FLRT1: variants seen among roughly 807,000 people sequenced by gnomAD.
The protein encoded by FLRT1 is leucine-rich repeat transmembrane protein FLRT1.
FLRT1 carries 14 observed loss-of-function variants against 30.9 expected under a neutral mutation model. The observed-to-expected ratio is 0.45, with a 90% CI of 0.30 to 0.71. FLRT1 has a LOEUF of 0.71. Among genes scored for constraint, FLRT1 ranks in the 30% least tolerant of loss-of-function variants. The pLI is 0.08. For synonymous variants in FLRT1, 368 were observed against 430.4 expected, an observed-to-expected ratio of 0.85 and a Z score of 1.80; for missense variants, 737 against 949.2, an observed-to-expected ratio of 0.78 and a Z score of 2.94.
chr11:64,065,256 T>G (rs1943975812), intron 1 of FLRT1, among the ~76,000 whole-genome samples: 1 of 152,100 alleles, frequency 6.6e-6, no homozygotes, highest in South Asian at 2.1e-4. Flanking sequence ...ATCGGAGCAG[T>G]GAGGCGGTGG....
At chr11:64,041,973 G>A (rs759709198) in intron 1 of FLRT1, among the ~76,000 whole-genome samples, 6 of 151,922 alleles carry the variant, frequency 3.9e-5, no homozygotes, top group Non-Finnish European at 5.9e-5. Flanking sequence ...ACCCTGAGTG[G>A]GGACTTGGGT....
Position 64,116,618 on chromosome 11 carries a change from C to T in FLRT1, c.351C>T (p.Asp117=). 1 of 1,614,180 alleles carries T rather than the reference C, an allele frequency of 6.2e-7. No individual in the cohort carries two copies. Among genetic ancestry groups the T allele is most frequent in the African/African-American group, 1.3e-5 (1 of 75,046 alleles). The change falls in exon 3 of 3, where the codon GAC becomes GAT. Residue 117 remains aspartate (D), a synonymous_variant. Coordinates refer to ENST00000682287, the MANE Select transcript of FLRT1 (RefSeq NM_013280.5). The part of the protein sequence containing the change: ...NVQVIYLYEN[D]LDEFPINLPR... ...AGGTCATCTACCTATACGAGAATGA[C>T]CTGGATGAGTTCCCCATCAACCTGC...
rs1944986681 is a variant in FLRT1, at chr11:64,116,617, A to G, written c.350A>G (p.Asp117Gly). ...CAGGTCATCTACCTATACGAGAATG[A>G]CCTGGATGAGTTCCCCATCAACCTG... ...NVQVIYLYENDLDEFPINLPR... is the reference protein window; with the variant it reads ...NVQVIYLYENGLDEFPINLPR... Residue 117 changes from aspartate (D) to glycine (G), a missense_variant, in exon 3 of 3, where the codon GAC (aspartate) becomes GGC (glycine). By Grantham distance (94) the Asp-to-Gly change is moderately conservative (BLOSUM62 -1). Transcript: ENST00000682287. The G allele has an allele frequency of 6.2e-7, 1 of 1,613,974 alleles. No homozygotes were observed. The highest frequency in any genetic ancestry group is 8.5e-7 in the Non-Finnish European group (1 of 1,180,034).
intron 1 of FLRT1, among the ~76,000 whole-genome samples, chr11:64,059,176 G>A (rs1943849378): frequency 1.3e-5 from 2 of 152,184 alleles, no homozygotes; most frequent in Admixed American, 1.3e-4. Context: ...ACAGACTTGG[G>A]GAGCAGTAGG....
intron 1 of FLRT1, among the ~76,000 whole-genome samples, chr11:64,070,272 T>C (rs1482993187): frequency 6.6e-6 from 1 of 152,028 alleles, no homozygotes; most frequent in Non-Finnish European, 1.5e-5. Flanking sequence ...GGGCTGCCAG[T>C]CCTCAGCCCA....
intron 1 of FLRT1, among the ~76,000 whole-genome samples, chr11:64,051,171 A>G (rs566584092): frequency 1.9e-3 from 293 of 152,334 alleles, no homozygotes; most frequent in African/African-American, 6.4e-3. Flanking sequence ...CCACCTTACT[A>G]GGCCTCAGTT....
intron 1 of FLRT1, among the ~76,000 whole-genome samples, chr11:64,045,365 C>T (rs1943564601): frequency 6.7e-6 from 1 of 148,612 alleles, no homozygotes; most frequent in Admixed American, 6.6e-5. Flanking sequence ...GAGTTATGCT[C>T]TGCTCCGCCG....
At chr11:64,049,066 G>T in intron 1 of FLRT1, among the ~76,000 whole-genome samples, 1 of 152,344 alleles carries the variant, frequency 6.6e-6, no homozygotes, top group South Asian at 2.1e-4. Flanking sequence ...TGTCCTTCAG[G>T]GGGTGGGGCC....
intron 1 of FLRT1, among the ~76,000 whole-genome samples, chr11:64,077,993 C>T (rs1320487171): frequency 6.6e-6 from 1 of 152,188 alleles, no homozygotes; most frequent in Non-Finnish European, 1.5e-5. Context: ...TCCTCCTCAG[C>T]GGGGGTCCCA....
chr11:64,116,780 C>T lies in FLRT1; in HGVS notation c.513C>T (p.Asp171=), dbSNP rs141684580. 869 of 1,613,594 alleles carry T rather than the reference C, an allele frequency of 5.4e-4. 3 individuals are homozygous for T. Among genetic ancestry groups the T allele is most frequent in the Non-Finnish European group, 6.9e-4 (809 of 1,180,026 alleles). Residue 171 remains aspartate (D), a synonymous_variant, in exon 3 of 3, where the codon GAC becomes GAT. Transcript: ENST00000682287. ...NSVSTVSIEE[D]AFADSKQLKL... Reference sequence around the variant, plus strand: ...TGTCCACCGTCAGCATTGAGGAGGACGCCTTCGCCGACAGCAAACAGCTCA... The same window carrying T: ...TGTCCACCGTCAGCATTGAGGAGGATGCCTTCGCCGACAGCAAACAGCTCA...
rs530699212 is a variant in FLRT1, at chr11:64,118,112, C to T, written c.1845C>T (p.Arg615=). The T allele has an allele frequency of 6.0e-5, 96 of 1,611,370 alleles. 1 individual carries two copies. In the South Asian group the frequency reaches 7.3e-4, roughly 12 times the overall value. Residue 615 remains arginine (R), a synonymous_variant, in exon 3 of 3, where the codon CGC becomes CGT. Transcript: ENST00000682287. Reference sequence around the variant, plus strand: ...AGGATAACTCCATCCTGGAAATCCGCGGCCCTGGGCTGCAGATGCTGCCCA... The same window carrying T: ...AGGATAACTCCATCCTGGAAATCCGTGGCCCTGGGCTGCAGATGCTGCCCA... ...TKKDNSILEI[R]GPGLQMLPIN...
chr11:64,046,573 C>T (rs1469792380), intron 1 of FLRT1, among the ~76,000 whole-genome samples: 3 of 152,134 alleles, frequency 2.0e-5, no homozygotes, highest in African/African-American at 4.8e-5. Context: ...CTTTTTGAGA[C>T]GGAGTTTTGT....
chr11:64,085,708 T>C (rs1944382258), intron 1 of FLRT1, among the ~76,000 whole-genome samples: 2 of 152,280 alleles, frequency 1.3e-5, no homozygotes, highest in East Asian at 1.9e-4. Flanking sequence ...AGGGGCAACC[T>C]TGCAGGCTGT....
At position 64,047,273 on chromosome 11, in the gene FLRT1, C is replaced by T. The variant is rs369081821; in HGVS notation, c.-1038+11114C>T. ...CTCCTCCCAGCAAGCCTTCCTGGCC[C>T]GAGATAAATGGCTTTCTTTGTACAA... On this transcript the variant is annotated intron_variant, in intron 1 of 2. Transcript: ENST00000682287. 3.9e-4 allele frequency among the ~76,000 whole-genome samples: 60 copies of T among 152,236 alleles called. No homozygotes were observed. In the South Asian group the frequency reaches 7.9e-3, roughly 20 times the overall value.
intron 1 of FLRT1, among the ~76,000 whole-genome samples, chr11:64,076,448 G>A (rs1189109972): frequency 6.6e-6 from 1 of 151,602 alleles, no homozygotes; most frequent in East Asian, 1.9e-4. Flanking sequence ...ATGGATGGAT[G>A]GACGGATGGA....
chr11:64,085,477 T>G (rs7933551), intron 1 of FLRT1, among the ~76,000 whole-genome samples: 9,530 of 152,308 alleles, frequency 0.063, 396 homozygotes, highest in East Asian at 0.26. Flanking sequence ...GCCATGTGTC[T>G]GGGGCGGCCG....
At position 64,117,825 on chromosome 11, in the gene FLRT1, G is replaced by A. The variant is rs1158889287; in HGVS notation, c.1558G>A (p.Glu520Lys). The A allele has an allele frequency of 1.9e-6, 3 of 1,614,220 alleles. No homozygotes were observed. Among genetic ancestry groups the A allele is most frequent in the African/African-American group, 2.7e-5 (2 of 75,076 alleles). Reference protein sequence around the residue: ...METSNAYVADETPVCAKAETA... With the variant: ...METSNAYVADKTPVCAKAETA... The stretch of plus-strand genomic sequence containing the variant: ...GACCAGCAATGCCTACGTAGCTGAT[G>A]AGACACCCGTGTGTGCCAAGGCAGA... Residue 520 changes from glutamate to lysine, a missense_variant, in exon 3 of 3, where the codon GAG becomes AAG. Glu to Lys is a moderately conservative substitution (Grantham distance 56). Coordinates refer to ENST00000682287, the MANE Select transcript of FLRT1 (RefSeq NM_013280.5).
chr11:64,058,984 C>G (rs895721098), intron 1 of FLRT1, among the ~76,000 whole-genome samples: 1 of 152,156 alleles, frequency 6.6e-6, no homozygotes, highest in Non-Finnish European at 1.5e-5. Flanking sequence ...CCCCTACCTT[C>G]AAAACAGGGG....
intron 1 of FLRT1, among the ~76,000 whole-genome samples, chr11:64,047,136 A>G (rs938608093): frequency 2.6e-5 from 4 of 151,700 alleles, no homozygotes; most frequent in Admixed American, 2.0e-4. Context: ...TGGCTGCCTC[A>G]TGAAAGGCGG....
Sources: gnomAD v4.1 joint callset for allele counts (sites outside exome capture counted in the v4.1 genomes callset) on GRCh38, gnomAD v4.1.1 for gene constraint, MANE v1.5 for transcripts, NCBI Gene and HGNC (gene_info 2026-07-23, HGNC 2026-07-21) for gene names.